The following AHCY variants were observed in gnomAD, a reference collection of about 807,000 sequenced individuals.
AHCY encodes adenosylhomocysteinase.
Under a neutral mutation model 45.4 loss-of-function variants are expected in AHCY, and 24 were observed. That is an observed-to-expected ratio of 0.53 (90% CI 0.38 to 0.74). The LOEUF (loss-of-function observed/expected upper bound fraction) is 0.74, where lower values mean the gene tolerates loss of function less well. AHCY is among the 30% of genes least tolerant of loss of function. The pLI, the probability that AHCY is intolerant of heterozygous loss-of-function variation, is 0.00. For synonymous variants in AHCY, 245 were observed against 235.1 expected (o/e 1.04, Z -0.39); for missense variants, 449 against 594.1 (o/e 0.76, Z 2.54).
chr20:34,278,145 T>A (rs2035924889), downstream of AHCY, among the ~76,000 whole-genome samples: 1 of 152,118 alleles, frequency 6.6e-6, no homozygotes, highest in Admixed American at 6.5e-5. Flanking sequence ...CCGGTCAGTG[T>A]CACACATGTG....
chr20:34,292,447 T>G lies in AHCY; in HGVS notation c.356A>C (p.Tyr119Ser). The change falls in exon 4 of 10, where the codon TAC (tyrosine) becomes TCC (serine). Residue 119 changes from tyrosine to serine, a missense_variant. Physicochemically the swap from Tyr to Ser is moderately radical, Grantham distance 144. Coordinates refer to ENST00000217426, the MANE Select transcript of AHCY (RefSeq NM_000687.4). ...EYLWCIEQTL[Y>S]FKDGPLNMIL... is the part of the protein sequence containing the mutation. ...CATGTTGAGGGGCCCGTCCTTGAAG[T>G]ACAGGGTCTGCTCAATGCACCACAG... The G allele has an allele frequency of 1.2e-6, 2 of 1,614,092 alleles. No individual in the cohort carries two copies. Among genetic ancestry groups the G allele is most frequent in the East Asian group, 4.5e-5 (2 of 44,888 alleles).
chr20:34,288,639 C>T (rs1459603658), intron 8 of AHCY, among the ~76,000 whole-genome samples: 1 of 151,858 alleles, frequency 6.6e-6, no homozygotes, highest in African/African-American at 2.4e-5. Context: ...CCACTGCCCT[C>T]TAGCTTGGGT....
chr20:34,303,068 G>A (rs999320279), intron 1 of AHCY, 175 bp downstream of exon 1: 34 of 985,182 alleles, frequency 3.5e-5, no homozygotes, highest in Non-Finnish European at 3.7e-5. Context: ...GGAACGGCCC[G>A]CTCATGGCCG....
chr20:34,236,261 T>G, the AHCY span, among the ~76,000 whole-genome samples: 2 of 152,114 alleles, frequency 1.3e-5, no homozygotes, highest in South Asian at 4.1e-4. Context: ...TGGCCATGGC[T>G]GGGCGCAGTG....
chr20:34,236,254 C>T, the AHCY span, among the ~76,000 whole-genome samples: 1 of 152,116 alleles, frequency 6.6e-6, no homozygotes. Context: ...AGAATCATGG[C>T]CATGGCTGGG....
At chr20:34,292,229 C>A in intron 4 of AHCY, 129 bp downstream of exon 4, 1 of 1,275,046 alleles carries the variant, frequency 7.8e-7, no homozygotes, top group South Asian at 1.3e-5. Flanking sequence ...CCAGAGCCTG[C>A]CATCCTCCCA....
intron 9 of AHCY, among the ~76,000 whole-genome samples, chr20:34,284,229 G>A (rs1166672118): frequency 3.3e-5 from 5 of 151,972 alleles, no homozygotes; most frequent in African/African-American, 7.2e-5. Context: ...GCACAATCTC[G>A]TCTCACTGCA....
chr20:34,298,838 A>G (rs1263424773), intron 1 of AHCY, among the ~76,000 whole-genome samples: 3 of 152,118 alleles, frequency 2.0e-5, no homozygotes, highest in African/African-American at 7.2e-5. Flanking sequence ...AAAAATACTA[A>G]TAGTCCCTGA....
the AHCY span, among the ~76,000 whole-genome samples, chr20:34,234,597 C>T: frequency 6.6e-6 from 1 of 151,740 alleles, no homozygotes; most frequent in African/African-American, 2.4e-5. Context: ...GACAGTGGTC[C>T]TATAAACCAG....
At chr20:34,264,760 T>C in the AHCY span, among the ~76,000 whole-genome samples, 3 of 151,910 alleles carry the variant, frequency 2.0e-5, no homozygotes, top group East Asian at 1.9e-4. Context: ...AATAATTTTC[T>C]TAATATTTTA....
At chr20:34,303,451 G>A (rs534030725), upstream of AHCY, 5 of 867,980 alleles carry the variant, frequency 5.8e-6, no homozygotes, top group South Asian at 8.0e-5. Context: ...CGGAGCCGGA[G>A]GGGATTTCGA....
chr20:34,298,989 C>A (rs186315008), intron 1 of AHCY, among the ~76,000 whole-genome samples: 1 of 152,302 alleles, frequency 6.6e-6, no homozygotes, highest in East Asian at 1.9e-4. Flanking sequence ...GACTCACATT[C>A]TTTACCCTGC....
At chr20:34,254,869 A>G in the AHCY span, among the ~76,000 whole-genome samples, 2 of 152,056 alleles carry the variant, frequency 1.3e-5, no homozygotes, top group Admixed American at 1.3e-4. Flanking sequence ...CTTTCTCCCT[A>G]TTATACCCAA....
chr20:34,262,429 T>C, the AHCY span, among the ~76,000 whole-genome samples: 1 of 152,142 alleles, frequency 6.6e-6, no homozygotes, highest in Non-Finnish European at 1.5e-5. Context: ...CACAGGTGCA[T>C]CTGTGTACAA....
intron 9 of AHCY, among the ~76,000 whole-genome samples, chr20:34,284,140 T>C (rs1405548845): frequency 6.6e-6 from 1 of 152,008 alleles, no homozygotes; most frequent in Non-Finnish European, 1.5e-5. Flanking sequence ...CATACAACCA[T>C]AGTGAGATGC....
downstream of AHCY, among the ~76,000 whole-genome samples, chr20:34,280,067 G>A (rs2035954261): frequency 6.6e-6 from 1 of 152,156 alleles, no homozygotes; most frequent in Non-Finnish European, 1.5e-5. Flanking sequence ...ACTCCAGCCT[G>A]GGTGACGGAG....
Position 34,280,691 on chromosome 20 carries a change from G to T in AHCY, c.*343C>A. On this transcript the variant is annotated 3_prime_UTR_variant, in exon 10 of 10. Transcript: ENST00000217426. The stretch of plus-strand genomic sequence containing the variant: ...ACAGGTATAAGTCCACAGACCAGGT[G>T]AAGGCCTAGATGGCAAAACACATGG... 2.6e-6 allele frequency: 1 copy of T among 378,980 alleles called. No homozygotes were observed. Among genetic ancestry groups the T allele is most frequent in the Non-Finnish European group, 5.1e-6 (1 of 197,796 alleles). The allele number at this position is 378,980 out of a possible 1,614,324, so 23.5% of individuals were successfully genotyped here.
intron 8 of AHCY, chr20:34,286,022 G>C (rs977301166): frequency 6.6e-6 from 2 of 304,606 alleles, no homozygotes; most frequent in African/African-American, 4.4e-5. Flanking sequence ...GGAGAATGGC[G>C]TGAACCTGGG....
chr20:34,244,446 GATTAATGTCTAAA>G, the AHCY span, among the ~76,000 whole-genome samples: 1 of 152,128 alleles, frequency 6.6e-6, no homozygotes. Flanking sequence ...CAATGATGAT[GATTAATGTCTAAA>G]ATGTGTCTGA....
Sources: gnomAD v4.1 joint callset for allele counts (sites outside exome capture counted in the v4.1 genomes callset) on GRCh38, gnomAD v4.1.1 for gene constraint, MANE v1.5 for transcripts, NCBI Gene and HGNC (gene_info 2026-07-23, HGNC 2026-07-21) for gene names.